Variants in NOX4 observed in about 807,000 individuals in gnomAD.
The protein encoded by NOX4 is NADPH oxidase 4.
In NOX4, 69 loss-of-function variants were observed where a neutral mutation model predicts 87.6. That is an observed-to-expected ratio of 0.79 (90% CI 0.65 to 0.96). NOX4 has a LOEUF of 0.96. Ranked by LOEUF, NOX4 falls within the 40% of genes least tolerant of loss-of-function variation. The pLI is 0.00. For missense variants in NOX4, 680 were observed against 681.5 expected, an observed-to-expected ratio of 1.00 and a Z score of 0.02; for synonymous variants, 275 against 238.2, an observed-to-expected ratio of 1.15 and a Z score of -1.42.
intron 11 of NOX4, among the ~76,000 whole-genome samples, chr11:89,387,232 G>A (rs778479369): frequency 6.6e-6 from 1 of 152,078 alleles, no homozygotes; most frequent in Non-Finnish European, 1.5e-5. Context: ...TATACATCCA[G>A]ATGGCCTGAA....
At chr11:89,489,918 T>A (rs1296259328) in intron 2 of NOX4, among the ~76,000 whole-genome samples, 1 of 152,096 alleles carries the variant, frequency 6.6e-6, no homozygotes, top group Non-Finnish European at 1.5e-5. Flanking sequence ...GAAAAAAGTT[T>A]TGCCCAGTAT....
the NOX4 span, among the ~76,000 whole-genome samples, chr11:89,570,995 A>G: frequency 6.6e-6 from 1 of 152,230 alleles, no homozygotes; most frequent in African/African-American, 2.4e-5. Flanking sequence ...GAATATGTAT[A>G]CTTTTTAATG....
intron 6 of NOX4, among the ~76,000 whole-genome samples, chr11:89,438,928 AATAAT>A (rs1249550922): frequency 0.047 from 1,713 of 36,588 alleles, 37 homozygotes; most frequent in Non-Finnish European, 0.077. Flanking sequence ...AAATATATAT[AATAAT>A]ATAATATATA....
At chr11:89,568,573 G>A in the NOX4 span, among the ~76,000 whole-genome samples, 1 of 152,152 alleles carries the variant, frequency 6.6e-6, no homozygotes, top group Admixed American at 6.5e-5. Flanking sequence ...TCATCTGTAG[G>A]AAGAATCAAT....
At chr11:89,338,955 T>C (rs1945850990) in intron 15 of NOX4, among the ~76,000 whole-genome samples, 2 of 152,132 alleles carry the variant, frequency 1.3e-5, no homozygotes, top group African/African-American at 2.4e-5. Context: ...TTATTGGTTG[T>C]TGTCTATCTT....
upstream of NOX4, among the ~76,000 whole-genome samples, chr11:89,502,323 G>A (rs979025055): frequency 6.6e-6 from 1 of 152,000 alleles, no homozygotes; most frequent in East Asian, 1.9e-4. Context: ...AGGTAGGTGT[G>A]GGCATGAGAC....
chr11:89,503,177 A>G (rs772684765), upstream of NOX4, among the ~76,000 whole-genome samples: 16 of 151,990 alleles, frequency 1.1e-4, no homozygotes, highest in Non-Finnish European at 1.9e-4. Context: ...CTTTTTATAT[A>G]TTTGGAATCC....
At chr11:89,447,878 T>C (rs1218284521) in intron 4 of NOX4, among the ~76,000 whole-genome samples, 2 of 152,092 alleles carry the variant, frequency 1.3e-5, no homozygotes, top group East Asian at 1.9e-4. Flanking sequence ...ATCTAACACC[T>C]GCAGAGGTGG....
chr11:89,581,983 A>G, the NOX4 span, among the ~76,000 whole-genome samples: 5 of 152,140 alleles, frequency 3.3e-5, no homozygotes, highest in African/African-American at 7.2e-5. Flanking sequence ...TTCATCTTGC[A>G]TGACTAAAAC....
At chr11:89,492,226 C>T (rs1219018027), upstream of NOX4, 3 of 151,604 alleles carry the variant, frequency 2.0e-5, no homozygotes, top group Admixed American at 2.0e-4. Flanking sequence ...GACACTGCAA[C>T]AAATCAGTAT....
At chr11:89,455,091 TA>T (rs1350311435) in intron 2 of NOX4, among the ~76,000 whole-genome samples, 3 of 152,144 alleles carry the variant, frequency 2.0e-5, no homozygotes, top group Middle Eastern at 3.2e-3. Context: ...TAGTTGCCAG[TA>T]AAGTATGTTA....
intron 8 of NOX4, among the ~76,000 whole-genome samples, chr11:89,409,196 G>T (rs1236828223): frequency 2.6e-5 from 4 of 152,066 alleles, no homozygotes; most frequent in African/African-American, 9.7e-5. Context: ...TCATGTTTCA[G>T]AAAGTACTAT....
the NOX4 span, among the ~76,000 whole-genome samples, chr11:89,552,352 T>A: frequency 6.6e-6 from 1 of 152,190 alleles, no homozygotes; most frequent in African/African-American, 2.4e-5. Flanking sequence ...CAATCATTGA[T>A]CATTTACGTC....
At chr11:89,413,839 G>A (rs1242388483) in intron 8 of NOX4, among the ~76,000 whole-genome samples, 4 of 152,072 alleles carry the variant, frequency 2.6e-5, no homozygotes, top group Non-Finnish European at 2.9e-5. Flanking sequence ...TTATGCAAAT[G>A]TGATCATTAC....
chr11:89,488,220 C>G (rs948637214), intron 2 of NOX4, among the ~76,000 whole-genome samples: 1 of 151,960 alleles, frequency 6.6e-6, no homozygotes, highest in Non-Finnish European at 1.5e-5. Flanking sequence ...TTTCTTGAAT[C>G]TGTTTCTTAT....
chr11:89,468,892 A>T (rs55846090), intron 2 of NOX4, among the ~76,000 whole-genome samples: 1 of 152,030 alleles, frequency 6.6e-6, no homozygotes, highest in South Asian at 2.1e-4. Flanking sequence ...CTACAGGTGC[A>T]TGCTACCACA....
In NOX4 at chr11:89,325,112, A is replaced by ATTTTT. The variant is rs1590923384; in HGVS notation, c.*1643_*1644insAAAAA. On this transcript the variant is annotated 3_prime_UTR_variant, in exon 18 of 18. Transcript: ENST00000263317. Reference sequence around the variant, plus strand: ...ATCACTAAACTGTATGAATGCTTTAATTCTTTTTTTTTTTTTTTTTTTTTT... The same window carrying ATTTTT: ...ATCACTAAACTGTATGAATGCTTTAATTTTTTTCTTTTTTTTTTTTTTTTTTTTTT... 10 of 71,228 alleles carry ATTTTT rather than the reference A, an allele frequency of 1.4e-4. No homozygotes were observed. Among genetic ancestry groups the ATTTTT allele is most frequent in the Non-Finnish European group, 2.5e-4 (8 of 32,270 alleles). 4.4% of individuals were successfully genotyped at this position (71,228 alleles called of 1,614,324 possible).
chr11:89,536,148 T>TC, the NOX4 span, among the ~76,000 whole-genome samples: 1 of 139,634 alleles, frequency 7.2e-6, no homozygotes, highest in Non-Finnish European at 1.5e-5. Context: ...CTTTTTTTTT[T>TC]TTTTTTTTTT....
chr11:89,573,550 G>A, the NOX4 span, among the ~76,000 whole-genome samples: 1 of 152,106 alleles, frequency 6.6e-6, no homozygotes, highest in Non-Finnish European at 1.5e-5. Flanking sequence ...TCTTAGACCT[G>A]TTACTGGTGG....
Sources: allele counts gnomAD v4.1 joint callset (sites outside exome capture counted in the v4.1 genomes callset), GRCh38; gene constraint gnomAD v4.1.1; transcripts MANE v1.5; gene names NCBI Gene and HGNC (gene_info 2026-07-23, HGNC 2026-07-21).